CDKL1: variants seen among roughly 807,000 people sequenced by gnomAD.
CDKL1 encodes the protein cyclin-dependent kinase-like 1.
CDKL1 carries 41 observed loss-of-function variants against 42.0 expected under a neutral mutation model. The ratio of observed to expected loss-of-function variants is 0.98; its 90% CI spans 0.76 to 1.27. The LOEUF is 1.27. Ranked by LOEUF, CDKL1 falls within the 50% of genes most tolerant of loss-of-function variation. The pLI is 0.00. For synonymous variants in CDKL1, 153 were observed against 158.6 expected (o/e 0.96, Z 0.26); for missense variants, 394 against 428.4 (o/e 0.92, Z 0.71).
At position 50,358,154 on chromosome 14, in the gene CDKL1, G is replaced by A. The variant is rs780595911; in HGVS notation, c.290+874C>T. ...AAAGATGTTGCATATGCTAGAGAGA[G>A]CTGTGTGGTAAGATCAGCGGAGCCC... On this transcript the variant is annotated intron_variant, in intron 3 of 9. Coordinates refer to ENST00000395834, the MANE Select transcript of CDKL1 (RefSeq NM_004196.7). The A allele has an allele frequency of 5.3e-6, 7 of 1,326,280 alleles. No homozygotes were observed. In the South Asian group the frequency reaches 8.4e-5, roughly 16 times the overall value. The allele number at this position is 1,326,280 out of a possible 1,614,324, so 82.2% of individuals were successfully genotyped here.
intron 3 of CDKL1, among the ~76,000 whole-genome samples, chr14:50,350,068 C>CT (rs2033854499): frequency 6.6e-6 from 1 of 151,968 alleles, no homozygotes; most frequent in Admixed American, 6.6e-5. Flanking sequence ...TGTGAGCCAC[C>CT]GTGCTTGGCC....
chr14:50,391,832 T>C (rs981581047), intron 2 of CDKL1, among the ~76,000 whole-genome samples: 7 of 152,158 alleles, frequency 4.6e-5, no homozygotes, highest in Non-Finnish European at 8.8e-5. Flanking sequence ...CAAATGTACT[T>C]CTCACTCGTA....
chr14:50,390,349 G>C, intron 2 of CDKL1: 1 of 1,366,296 alleles, frequency 7.3e-7, no homozygotes, highest in African/African-American at 1.5e-5. Flanking sequence ...AACTCCGCTA[G>C]GAGCATCTAC....
chr14:50,334,619 T>C lies in CDKL1; in HGVS notation c.741A>G (p.Glu247=). The change falls in exon 8 of 10, where the codon GAA becomes GAG. Residue 247 remains glutamate, a splice_region_variant and synonymous_variant. Coordinates refer to ENST00000395834, the MANE Select transcript of CDKL1 (RefSeq NM_004196.7). ...TGTTTGGGAATTTTAATTCAAGTGG[T>C]TCCTGTTGAAAAGAAAAGAGGTTTT... ...GVKIPDPEDM[E]PLELKFPNIS... The C allele has an allele frequency of 6.3e-7, 1 of 1,585,696 alleles. No homozygotes were observed. The highest frequency in any genetic ancestry group is 8.7e-7 in the Non-Finnish European group (1 of 1,154,080).
intron 4 of CDKL1, chr14:50,342,860 G>A: frequency 1.6e-6 from 2 of 1,242,698 alleles, no homozygotes; most frequent in Non-Finnish European, 1.0e-6. Flanking sequence ...TTCCAGCTCT[G>A]ACATTCATCC....
intron 2 of CDKL1, chr14:50,362,938 A>G (rs2034317914): frequency 2.2e-6 from 1 of 463,064 alleles, no homozygotes; most frequent in Non-Finnish European, 4.5e-6. Flanking sequence ...ACTCTTTGCA[A>G]TAAATCTTGC....
At chr14:50,397,050 G>T (rs1437251865), upstream of CDKL1, 41 of 1,316,108 alleles carry the variant, frequency 3.1e-5, no homozygotes, top group Non-Finnish European at 4.1e-5. Context: ...CATGGGAGCT[G>T]TCCTGACCGC....
intron 2 of CDKL1, among the ~76,000 whole-genome samples, chr14:50,374,189 A>G (rs1245631528): frequency 6.6e-6 from 1 of 152,240 alleles, no homozygotes; most frequent in Non-Finnish European, 1.5e-5. Context: ...ATATTGTACT[A>G]TTCCAATTCT....
At chr14:50,370,493 C>T (rs898076544) in intron 2 of CDKL1, among the ~76,000 whole-genome samples, 3 of 152,236 alleles carry the variant, frequency 2.0e-5, no homozygotes, top group African/African-American at 7.2e-5. Flanking sequence ...ACCATCATCT[C>T]TCCATTCTCC....
chr14:50,369,233 G>C (rs2034519667), intron 2 of CDKL1, among the ~76,000 whole-genome samples: 1 of 152,114 alleles, frequency 6.6e-6, no homozygotes. Context: ...AAATGCTGGG[G>C]ATCAGCAGGT....
intron 2 of CDKL1, among the ~76,000 whole-genome samples, chr14:50,384,142 T>C (rs968431403): frequency 6.6e-6 from 1 of 152,238 alleles, no homozygotes; most frequent in African/African-American, 2.4e-5. Context: ...TTGTCTCCTA[T>C]GCTACTGACA....
At chr14:50,369,137 G>A (rs2034516450) in intron 2 of CDKL1, among the ~76,000 whole-genome samples, 1 of 152,116 alleles carries the variant, frequency 6.6e-6, no homozygotes, top group Non-Finnish European at 1.5e-5. Context: ...AAAGTGCTGA[G>A]ATTATAGGTG....
intron 2 of CDKL1, among the ~76,000 whole-genome samples, chr14:50,360,608 A>T (rs2034207079): frequency 6.6e-6 from 1 of 151,242 alleles, no homozygotes; most frequent in Non-Finnish European, 1.5e-5. Context: ...GGGTTTCGCC[A>T]TGTTGGTCAG....
chr14:50,396,325 C>A lies in CDKL1; in HGVS notation c.-457G>T. The stretch of plus-strand genomic sequence containing the variant: ...CCCACCCAACGATGAGTGTTTGTCA[C>A]GGTCCTAGAACAGAACAGCACATGT... On this transcript the variant is annotated 5_prime_UTR_variant, in exon 2 of 10. Coordinates refer to ENST00000395834, the MANE Select transcript of CDKL1 (RefSeq NM_004196.7). The A allele has an allele frequency of 6.0e-6, 6 of 1,007,428 alleles. No homozygotes were observed. Among genetic ancestry groups the A allele is most frequent in the Non-Finnish European group, 7.1e-6 (6 of 844,506 alleles). 62.4% of individuals were successfully genotyped at this position (1,007,428 alleles called of 1,614,324 possible).
Position 50,337,291 on chromosome 14 carries a change from G to A in CDKL1, c.738+1656C>T, listed in dbSNP as rs186571059. 2.3e-3 allele frequency among the ~76,000 whole-genome samples: 353 copies of A among 151,370 alleles called. 1 individual carries two copies. The Middle Eastern group carries it at 0.066, about 28-fold the overall frequency. ...CCCAAAGTGCTGGGATTACAGGCGT[G>A]AGCCACCATGCCCAGCCTACACTGT... On this transcript the variant is annotated intron_variant, in intron 7 of 9. Coordinates refer to ENST00000395834, the MANE Select transcript of CDKL1 (RefSeq NM_004196.7).
rs541352763 is a variant in CDKL1, at chr14:50,337,970, T to C, written c.738+977A>G. ...ACAGGCATGAGCACACCTGGCCTGA[T>C]GAGGTATTTCTATTGTAAGGATGTA... On this transcript the variant is annotated intron_variant, in intron 7 of 9. Coordinates refer to ENST00000395834, the MANE Select transcript of CDKL1 (RefSeq NM_004196.7). Among the ~76,000 whole-genome samples, 61 of 152,244 alleles carry C rather than the reference T, an allele frequency of 4.0e-4. 1 individual carries two copies. In the South Asian group the frequency reaches 0.012, roughly 31 times the overall value.
chr14:50,361,176 G>A (rs1170881577), intron 2 of CDKL1, among the ~76,000 whole-genome samples: 2 of 152,170 alleles, frequency 1.3e-5, no homozygotes, highest in African/African-American at 2.4e-5. Flanking sequence ...AAGGTAAAAG[G>A]AGGAAAATTG....
chr14:50,343,177 G>GTTTTTTT (rs1566580369), intron 4 of CDKL1: 320 of 400,490 alleles, frequency 8.0e-4, no homozygotes, highest in African/African-American at 2.0e-3. Flanking sequence ...TTTTTTTTGA[G>GTTTTTTT]TTGGGTCAAA....
At chr14:50,369,405 T>C (rs1186422001) in intron 2 of CDKL1, among the ~76,000 whole-genome samples, 1 of 152,116 alleles carries the variant, frequency 6.6e-6, no homozygotes, top group Non-Finnish European at 1.5e-5. Flanking sequence ...TCTTGCATTA[T>C]TGACTTTCTT....
Sources: gnomAD v4.1 joint callset for allele counts (sites outside exome capture counted in the v4.1 genomes callset) on GRCh38, gnomAD v4.1.1 for gene constraint, MANE v1.5 for transcripts, NCBI Gene and HGNC (gene_info 2026-07-23, HGNC 2026-07-21) for gene names.